THADA: variants seen among roughly 807,000 people sequenced by gnomAD.
The protein encoded by THADA is THADA armadillo repeat containing.
In THADA, 213 loss-of-function variants were observed where a neutral mutation model predicts 219.8. The ratio of observed to expected loss-of-function variants is 0.97; its 90% confidence interval spans 0.87 to 1.09. The LOEUF (loss-of-function observed/expected upper bound fraction) is 1.09. THADA is among the 50% of genes least tolerant of loss of function. The pLI is 0.00. For missense variants in THADA, 2,956 were observed against 2,311.3 expected, an observed-to-expected ratio of 1.28 and a Z score of -5.72; for synonymous variants, 1,018 against 828.9, an observed-to-expected ratio of 1.23 and a Z score of -3.92.
intron 36 of THADA, among the ~76,000 whole-genome samples, chr2:43,239,154 C>T (rs2104046608): frequency 6.6e-6 from 1 of 152,282 alleles, no homozygotes; most frequent in African/African-American, 2.4e-5. Flanking sequence ...TGCCTTCCAT[C>T]CTTGTGAAGG....
At chr2:43,288,853 G>C (rs559861941) in intron 34 of THADA, among the ~76,000 whole-genome samples, 2 of 152,266 alleles carry the variant, frequency 1.3e-5, no homozygotes, top group African/African-American at 4.8e-5. Context: ...AGTGAACTCT[G>C]GTATATTCAC....
intron 14 of THADA, among the ~76,000 whole-genome samples, chr2:43,570,161 C>CCCACTAACGTCATTCTGTAACAGT (rs1699132841): frequency 6.6e-6 from 1 of 152,130 alleles, no homozygotes; most frequent in South Asian, 2.1e-4. Flanking sequence ...TTGAGGTTAG[C>CCCACTAACGTCATTCTGTAACAGT]CCACTAACGT....
In THADA at chr2:43,320,466, G is replaced by T; in HGVS notation, c.4418C>A (p.Ser1473Tyr). Residue 1473 changes from serine (S) to tyrosine (Y), a missense_variant, in exon 31 of 38, where the codon TCT becomes TAT. Transcript: ENST00000405975. The stretch of plus-strand genomic sequence containing the variant: ...CATACCTGGCTGGTTGTCCTTTGCA[G>T]ATCTGTTGAGGCAGCAAGTCAATAG... ...LFLLTCCLNR[S>Y]AKDNQPVLES... 3.7e-6 allele frequency: 6 copies of T among 1,613,122 alleles called. No individual in the cohort carries two copies. Among genetic ancestry groups the T allele is most frequent in the Non-Finnish European group, 5.1e-6 (6 of 1,179,396 alleles).
At chr2:43,543,049 A>G (rs1192481537) in intron 20 of THADA, among the ~76,000 whole-genome samples, 3 of 114,558 alleles carry the variant, frequency 2.6e-5, no homozygotes, top group Non-Finnish European at 5.1e-5. Context: ...AACAGTCCCC[A>G]GAGTGTGATG....
intron 28 of THADA, among the ~76,000 whole-genome samples, chr2:43,410,143 T>C (rs1430457161): frequency 6.6e-6 from 1 of 152,246 alleles, no homozygotes; most frequent in African/African-American, 2.4e-5. Context: ...CATGTAAAGA[T>C]GCCCAACATC....
chr2:43,560,247 G>C lies in THADA; in HGVS notation c.2450C>G (p.Ala817Gly). Residue 817 changes from alanine to glycine, a missense_variant, in exon 16 of 38, where the codon GCT (alanine) becomes GGT (glycine). Physicochemically the swap from Ala to Gly is moderately conservative, Grantham distance 60 (BLOSUM62 0). Transcript: ENST00000405975. ...FDLLMKLSKTAVHFQDSGKLQ... is the reference protein window; with the variant it reads ...FDLLMKLSKTGVHFQDSGKLQ... ...AAGTCCTGATACCTGAAAATGTACA[G>C]CTGTTTTTGATAACTTCATCAGAAG... is the stretch of plus-strand genomic sequence containing the variant. 1.2e-6 allele frequency: 2 copies of C among 1,611,260 alleles called. No individual in the cohort carries two copies. Among genetic ancestry groups the C allele is most frequent in the Non-Finnish European group, 1.7e-6 (2 of 1,178,948 alleles).
At chr2:43,438,309 A>AAG (rs1211836186) in intron 26 of THADA, among the ~76,000 whole-genome samples, 1 of 151,848 alleles carries the variant, frequency 6.6e-6, no homozygotes. Flanking sequence ...CAAAAAAAAA[A>AAG]AAAAAAAAAC....
At chr2:43,489,366 G>A (rs1232780406) in intron 25 of THADA, among the ~76,000 whole-genome samples, 2 of 151,936 alleles carry the variant, frequency 1.3e-5, no homozygotes, top group Admixed American at 6.6e-5. Flanking sequence ...AATTTTGATC[G>A]AGTCTAATTT....
intron 21 of THADA, among the ~76,000 whole-genome samples, chr2:43,540,050 T>C (rs76450091): frequency 0.12 from 18,089 of 152,242 alleles, 1,134 homozygotes; most frequent in South Asian, 0.14. Flanking sequence ...AAAGAGAAGT[T>C]GGGAAATCAA....
chr2:43,556,600 T>C lies in THADA; in HGVS notation c.2464-45A>G, dbSNP rs1330970536. Reference sequence around the variant, plus strand: ...CAGTAACTGTCAAATTAAAGATCTCTTTAATTTAAAAAAATAGTAAATTTT... The same window carrying C: ...CAGTAACTGTCAAATTAAAGATCTCCTTAATTTAAAAAAATAGTAAATTTT... On this transcript the variant is annotated intron_variant, in intron 16 of 37. Transcript: ENST00000405975. 5.2e-6 allele frequency: 8 copies of C among 1,550,510 alleles called. No individual in the cohort carries two copies. In the Admixed American group the frequency reaches 7.5e-5, roughly 15 times the overall value.
intron 26 of THADA, among the ~76,000 whole-genome samples, chr2:43,474,668 C>A (rs1685301271): frequency 6.6e-6 from 1 of 152,120 alleles, no homozygotes; most frequent in South Asian, 2.1e-4. Flanking sequence ...AAGAAGAAAT[C>A]AAGTGAATTG....
intron 26 of THADA, among the ~76,000 whole-genome samples, chr2:43,450,305 T>A (rs1159834332): frequency 6.6e-6 from 1 of 152,150 alleles, no homozygotes; most frequent in African/African-American, 2.4e-5. Flanking sequence ...CAACTACTAA[T>A]GTTTTGGACA....
At position 43,570,390 on chromosome 2, in the gene THADA, T is replaced by C. The variant is rs1172900232; in HGVS notation, c.2185A>G (p.Lys729Glu). 7.5e-6 allele frequency: 12 copies of C among 1,610,014 alleles called. No individual in the cohort carries two copies. The highest frequency in any genetic ancestry group is 1.0e-5 in the Non-Finnish European group (12 of 1,178,760). The change falls in exon 14 of 38, where the codon AAG becomes GAG. Residue 729 changes from lysine (K) to glutamate (E), a missense_variant and splice_region_variant. Transcript: ENST00000405975. ...QHPSVSLQQY[K>E]NFMSSICNSL... Reference sequence around the variant, plus strand: ...ATGTTTAGAAATATATCACCTACCTTATACTGCTGTAAAGAAACAGAAGGG... The same window carrying C: ...ATGTTTAGAAATATATCACCTACCTCATACTGCTGTAAAGAAACAGAAGGG...
In THADA at chr2:43,445,815, A is replaced by G. The variant is rs143612984; in HGVS notation, c.3837-15513T>C. Among the ~76,000 whole-genome samples, 466 of 152,338 alleles carry G rather than the reference A, an allele frequency of 3.1e-3. 4 individuals are homozygous for G. The highest frequency in any genetic ancestry group is 0.011 in the African/African-American group (453 of 41,578). ...CAGCCTCCTAAGTAGCTGAGACTAC[A>G]GGCACATGTTGTCATGCCTGTCTAA... On this transcript the variant is annotated intron_variant, in intron 26 of 37. Coordinates refer to ENST00000405975, the MANE Select transcript of THADA (RefSeq NM_022065.5).
intron 22 of THADA, among the ~76,000 whole-genome samples, chr2:43,515,429 A>C (rs1393814923): frequency 8.0e-6 from 1 of 124,342 alleles, no homozygotes; most frequent in Admixed American, 1.1e-4. Flanking sequence ...CACACATATA[A>C]AACAGATAAG....
intron 29 of THADA, among the ~76,000 whole-genome samples, chr2:43,386,748 T>C (rs1007103960): frequency 6.6e-6 from 1 of 151,876 alleles, no homozygotes; most frequent in Non-Finnish European, 1.5e-5. Flanking sequence ...TACAAAAAAT[T>C]AGCCAGGTGC....
At chr2:43,313,109 T>C (rs1226636294) in intron 31 of THADA, among the ~76,000 whole-genome samples, 1 of 152,230 alleles carries the variant, frequency 6.6e-6, no homozygotes, top group African/African-American at 2.4e-5. Context: ...ATGTCACATA[T>C]GTATTATTCA....
intron 14 of THADA, among the ~76,000 whole-genome samples, chr2:43,567,043 CAAG>C (rs1262923995): frequency 1.3e-5 from 2 of 151,454 alleles, no homozygotes; most frequent in African/African-American, 4.9e-5. Context: ...GCAGAGTCAA[CAAG>C]AAGTACAATT....
At chr2:43,368,221 G>T (rs924120232) in intron 29 of THADA, among the ~76,000 whole-genome samples, 1 of 152,178 alleles carries the variant, frequency 6.6e-6, no homozygotes, top group African/African-American at 2.4e-5. Context: ...TTAAGATGTG[G>T]ATAATAATTA....
Sources: gnomAD v4.1 joint callset for allele counts (sites outside exome capture counted in the v4.1 genomes callset) on GRCh38, gnomAD v4.1.1 for gene constraint, MANE v1.5 for transcripts, NCBI Gene and HGNC (gene_info 2026-07-23, HGNC 2026-07-21) for gene names.